The following CNTLN variants were observed in gnomAD, a reference collection of about 807,000 sequenced individuals.
CNTLN encodes the protein centlein, also known as centlein, centrosomal protein.
CNTLN carries 212 observed loss-of-function variants against 180.0 expected under a neutral mutation model. The observed-to-expected ratio is 1.18, with a 90% confidence interval of 1.05 to 1.32. The LOEUF (loss-of-function observed/expected upper bound fraction) is 1.32. Among genes scored for constraint, CNTLN ranks in the 40% most tolerant of loss-of-function variants. The pLI is 0.00. For missense variants in CNTLN, 2,095 were observed against 1,610.9 expected, an observed-to-expected ratio of 1.30 and a Z score of -5.14; for synonymous variants, 722 against 563.1, an observed-to-expected ratio of 1.28 and a Z score of -3.99.
chr9:17,394,415 CTTTATA>C (rs1425011756), intron 14 of CNTLN, 113 bp from the exon 15 acceptor site: 35 of 833,754 alleles, frequency 4.2e-5, no homozygotes, highest in Non-Finnish European at 5.6e-5. Context: ...AAATTAAGTA[CTTTATA>C]TTTATTTTGT....
chr9:17,227,059 A>G (rs1384162368), intron 3 of CNTLN, among the ~76,000 whole-genome samples: 5 of 151,746 alleles, frequency 3.3e-5, no homozygotes, highest in Admixed American at 2.0e-4. Flanking sequence ...TAACCATTTG[A>G]CCCAGCCATC....
chr9:17,500,089 T>G (rs1369365253), intron 25 of CNTLN, among the ~76,000 whole-genome samples: 1 of 152,216 alleles, frequency 6.6e-6, no homozygotes, highest in Non-Finnish European at 1.5e-5. Context: ...ACACATACTC[T>G]GCATTTTGAT....
intron 2 of CNTLN, among the ~76,000 whole-genome samples, chr9:17,178,689 A>G (rs933516303): frequency 8.0e-5 from 9 of 112,024 alleles, no homozygotes; most frequent in African/African-American, 2.8e-4. Context: ...TGCGGGGACC[A>G]CCGAGCCCAC....
At chr9:17,464,422 T>C in intron 20 of CNTLN, 75 bp from the exon 21 acceptor site, 3 of 1,279,612 alleles carry the variant, frequency 2.3e-6, no homozygotes, top group South Asian at 2.9e-5. Flanking sequence ...AGGTATAATA[T>C]TGGATAAAAT....
chr9:17,267,689 AT>A (rs1328571315), intron 5 of CNTLN, among the ~76,000 whole-genome samples: 2 of 152,110 alleles, frequency 1.3e-5, no homozygotes, highest in Admixed American at 6.5e-5. Flanking sequence ...TCAGACGTAG[AT>A]TTGGTCTTTT....
At chr9:17,235,618 G>C in intron 3 of CNTLN, 40 bp from the exon 4 acceptor site, 10 of 1,433,784 alleles carry the variant, frequency 7.0e-6, no homozygotes, top group Non-Finnish European at 9.3e-6. Context: ...GTTTTTCTTA[G>C]AAATAAAAGC....
At chr9:17,290,403 T>C (rs2132679253) in intron 6 of CNTLN, among the ~76,000 whole-genome samples, 1 of 149,190 alleles carries the variant, frequency 6.7e-6, no homozygotes, top group Non-Finnish European at 1.5e-5. Flanking sequence ...GAACCACTGC[T>C]CTCTTCAAAG....
At chr9:17,224,500 T>C (rs533168686) in intron 2 of CNTLN, among the ~76,000 whole-genome samples, 1 of 152,164 alleles carries the variant, frequency 6.6e-6, no homozygotes. Context: ...AGGCATATGT[T>C]GGAGTTTCCC....
intron 2 of CNTLN, among the ~76,000 whole-genome samples, chr9:17,224,212 A>G (rs543051128): frequency 3.3e-5 from 5 of 152,092 alleles, no homozygotes; most frequent in South Asian, 4.2e-4. Context: ...TATCTTCATT[A>G]TCTATGTACT....
intron 13 of CNTLN, among the ~76,000 whole-genome samples, chr9:17,380,562 C>G (rs754928232): frequency 6.6e-6 from 1 of 152,178 alleles, no homozygotes; most frequent in Non-Finnish European, 1.5e-5. Flanking sequence ...GGGAGGGCAG[C>G]TTTCCCCCAT....
chr9:17,179,523 G>T (rs1820988353), intron 2 of CNTLN, among the ~76,000 whole-genome samples: 1 of 152,132 alleles, frequency 6.6e-6, no homozygotes, highest in Admixed American at 6.5e-5. Context: ...ATTTCATATG[G>T]TCAGAGAATG....
At chr9:17,340,548 T>C (rs1256867340) in intron 10 of CNTLN, among the ~76,000 whole-genome samples, 1 of 152,186 alleles carries the variant, frequency 6.6e-6, no homozygotes, top group Non-Finnish European at 1.5e-5. Flanking sequence ...GAATGTATAC[T>C]AATTAACAAC....
At chr9:17,314,546 T>C (rs941620957) in intron 8 of CNTLN, among the ~76,000 whole-genome samples, 1 of 152,332 alleles carries the variant, frequency 6.6e-6, no homozygotes, top group East Asian at 1.9e-4. Context: ...TATGAGTTCA[T>C]AGTTTTGACT....
the CNTLN span, among the ~76,000 whole-genome samples, chr9:17,524,906 C>T: frequency 6.6e-6 from 1 of 152,148 alleles, no homozygotes. Flanking sequence ...TCCACTTGTC[C>T]TGTTGTTGCT....
intron 23 of CNTLN, among the ~76,000 whole-genome samples, chr9:17,474,462 A>C (rs1459731989): frequency 6.6e-6 from 1 of 152,146 alleles, no homozygotes; most frequent in Non-Finnish European, 1.5e-5. Flanking sequence ...GCTACCTGTC[A>C]CCACTGCTGT....
At chr9:17,300,445 A>G (rs1183298587) in intron 7 of CNTLN, 1 of 152,130 alleles carries the variant, frequency 6.6e-6, no homozygotes, top group Non-Finnish European at 1.5e-5. Flanking sequence ...CTCATACTGA[A>G]CGTGTTCAAA....
At chr9:17,291,586 T>C (rs967623306) in intron 6 of CNTLN, among the ~76,000 whole-genome samples, 16 of 152,320 alleles carry the variant, frequency 1.1e-4, no homozygotes, top group African/African-American at 3.8e-4. Flanking sequence ...TTTTGATCCC[T>C]GTTGGTTTAA....
chr9:17,403,856 AC>A (rs1827175010), intron 15 of CNTLN, among the ~76,000 whole-genome samples: 1 of 151,768 alleles, frequency 6.6e-6, no homozygotes, highest in Middle Eastern at 3.4e-3. Context: ...GCTCACTGCA[AC>A]CTCTGCTTCG....
At chr9:17,383,933 C>T (rs763209691) in intron 13 of CNTLN, among the ~76,000 whole-genome samples, 9 of 152,032 alleles carry the variant, frequency 5.9e-5, no homozygotes, top group Non-Finnish European at 1.3e-4. Flanking sequence ...CCACCTTGCC[C>T]GGCCCGTAAC....
Sources: allele counts gnomAD v4.1 joint callset (sites outside exome capture counted in the v4.1 genomes callset), GRCh38; gene constraint gnomAD v4.1.1; transcripts MANE v1.5; gene names NCBI Gene and HGNC (gene_info 2026-07-23, HGNC 2026-07-21).